Variants in MBD5 observed in about 807,000 individuals in gnomAD.
The protein encoded by MBD5 is methyl-CpG binding domain protein 5, also known as methyl-CpG-binding domain protein 5.
MBD5 carries 13 observed loss-of-function variants against 117.3 expected under a neutral mutation model. The ratio of observed to expected loss-of-function variants is 0.11; its 90% CI spans 0.07 to 0.18. The LOEUF is 0.18. Among genes scored for constraint, MBD5 ranks in the 10% least tolerant of loss-of-function variants. The pLI, the probability that MBD5 is intolerant of heterozygous loss-of-function variation, is 1.00. For missense variants in MBD5, 1,879 were observed against 2,093.8 expected (o/e 0.90, Z 2.00); for synonymous variants, 727 against 766.4 (o/e 0.95, Z 0.85).
intron 1 of MBD5, among the ~76,000 whole-genome samples, chr2:148,131,650 T>C (rs1266951711): frequency 6.6e-6 from 1 of 152,204 alleles, no homozygotes; most frequent in African/African-American, 2.4e-5. Context: ...GCTATGATTA[T>C]GCTACTGTGC....
At chr2:148,075,072 T>A (rs1047380207) in intron 1 of MBD5, among the ~76,000 whole-genome samples, 3 of 151,978 alleles carry the variant, frequency 2.0e-5, no homozygotes, top group Non-Finnish European at 4.4e-5. Flanking sequence ...GTAATAGAGA[T>A]GCAGTAGAAA....
intron 3 of MBD5, among the ~76,000 whole-genome samples, chr2:148,236,627 G>C (rs1442629358): frequency 6.6e-6 from 1 of 152,146 alleles, no homozygotes; most frequent in Non-Finnish European, 1.5e-5. Context: ...AGGCTTTGTT[G>C]TTTCATTTAT....
rs771275834 is a variant in MBD5 at position 148,469,727 on chromosome 2, C to T, written c.1784C>T (p.Ala595Val). ...CAGCTAGCAAATCAAAACAAACTTG[C>T]TGGTAACAACAGTAGCAGCAGTAGC... ...KAQLANQNKL[A>V]GNNSSSSSNS... The change falls in exon 8 of 14, where the codon GCT becomes GTT. Residue 595 changes from alanine (A) to valine (V), a missense_variant. By Grantham distance (64) the Ala-to-Val change is moderately conservative (BLOSUM62 0). Transcript: ENST00000642680. 3.1e-6 allele frequency: 5 copies of T among 1,613,834 alleles called. No individual in the cohort carries two copies. The highest frequency in any genetic ancestry group is 2.2e-5 in the South Asian group (2 of 91,090).
At chr2:148,040,814 T>A (rs1694335087) in intron 1 of MBD5, among the ~76,000 whole-genome samples, 1 of 152,178 alleles carries the variant, frequency 6.6e-6, no homozygotes, top group South Asian at 2.1e-4. Flanking sequence ...ATTAAAATCA[T>A]GTAGGACCAG....
intron 1 of MBD5, among the ~76,000 whole-genome samples, chr2:148,126,513 A>G (rs1203490725): frequency 6.6e-6 from 1 of 152,104 alleles, no homozygotes; most frequent in African/African-American, 2.4e-5. Context: ...ATTACCTTCC[A>G]GCATTTGCTG....
intron 3 of MBD5, among the ~76,000 whole-genome samples, chr2:148,339,993 GTTC>G (rs1702896127): frequency 6.6e-6 from 1 of 151,784 alleles, no homozygotes; most frequent in South Asian, 2.1e-4. Context: ...CTCTGTATCA[GTTC>G]TTCTACTCAC....
chr2:148,145,355 C>T (rs1454797196), intron 1 of MBD5, among the ~76,000 whole-genome samples: 5 of 152,250 alleles, frequency 3.3e-5, no homozygotes, highest in South Asian at 2.1e-4. Context: ...TGGGCTGAGA[C>T]GATGGAGTTT....
chr2:148,289,017 C>T (rs991984646), intron 3 of MBD5, among the ~76,000 whole-genome samples: 3 of 152,200 alleles, frequency 2.0e-5, no homozygotes, highest in African/African-American at 7.2e-5. Context: ...CCCTGAACAA[C>T]TCTTCTGCTG....
At chr2:148,101,682 T>C (rs1391882510) in intron 1 of MBD5, among the ~76,000 whole-genome samples, 2 of 152,192 alleles carry the variant, frequency 1.3e-5, no homozygotes, top group East Asian at 3.8e-4. Context: ...ACAGTGTTTT[T>C]TTAACTTCAT....
chr2:148,207,009 A>G (rs1283749320), intron 2 of MBD5, among the ~76,000 whole-genome samples: 1 of 152,258 alleles, frequency 6.6e-6, no homozygotes, highest in Non-Finnish European at 1.5e-5. Context: ...AAGTGACTTT[A>G]TTTCCAAAGT....
intron 1 of MBD5, among the ~76,000 whole-genome samples, chr2:148,084,124 C>G (rs1040075391): frequency 2.6e-5 from 4 of 152,176 alleles, no homozygotes. Flanking sequence ...CATGGTAGAA[C>G]ACAGATCTGT....
At chr2:148,122,970 A>G (rs1381485805) in intron 1 of MBD5, among the ~76,000 whole-genome samples, 1 of 152,226 alleles carries the variant, frequency 6.6e-6, no homozygotes, top group African/African-American at 2.4e-5. Flanking sequence ...AGCCAAAGGC[A>G]GAGATGACTA....
chr2:148,208,893 T>G (rs987332707), intron 2 of MBD5, among the ~76,000 whole-genome samples: 2 of 152,158 alleles, frequency 1.3e-5, no homozygotes, highest in Admixed American at 6.5e-5. Flanking sequence ...TAAATTATAA[T>G]CAAAGGAATT....
intron 2 of MBD5, among the ~76,000 whole-genome samples, chr2:148,211,466 C>T (rs1006600487): frequency 5.9e-5 from 9 of 152,048 alleles, no homozygotes; most frequent in Non-Finnish European, 1.0e-4. Context: ...TTGAAATTTT[C>T]GATTTTTGTT....
At chr2:148,283,840 T>TC (rs1701306585) in intron 3 of MBD5, among the ~76,000 whole-genome samples, 1 of 152,216 alleles carries the variant, frequency 6.6e-6, no homozygotes, top group Non-Finnish European at 1.5e-5. Flanking sequence ...TCAGCTGCTT[T>TC]ATAACCCCTT....
chr2:148,061,653 C>CTG (rs1170686569), intron 1 of MBD5, among the ~76,000 whole-genome samples: 2 of 151,462 alleles, frequency 1.3e-5, no homozygotes, highest in African/African-American at 4.8e-5. Context: ...TGTGTGTCAT[C>CTG]TGTGTGTGTA....
intron 4 of MBD5, among the ~76,000 whole-genome samples, chr2:148,407,418 A>G (rs1201347690): frequency 6.6e-6 from 1 of 150,930 alleles, no homozygotes; most frequent in Non-Finnish European, 1.5e-5. Context: ...GTATCCTTGA[A>G]GTAGATTGAT....
At chr2:148,339,281 A>G (rs1159293124) in intron 3 of MBD5, among the ~76,000 whole-genome samples, 1 of 151,762 alleles carries the variant, frequency 6.6e-6, no homozygotes, top group Admixed American at 6.6e-5. Context: ...TTTTTTCACA[A>G]AAAGGATATG....
chr2:148,102,349 T>C (rs1696237066), intron 1 of MBD5, among the ~76,000 whole-genome samples: 1 of 152,222 alleles, frequency 6.6e-6, no homozygotes, highest in South Asian at 2.1e-4. Flanking sequence ...GTCCACTGTT[T>C]CTGTCAGGTG....
Sources: allele counts gnomAD v4.1 joint callset (sites outside exome capture counted in the v4.1 genomes callset), GRCh38; gene constraint gnomAD v4.1.1; transcripts MANE v1.5; gene names NCBI Gene and HGNC (gene_info 2026-07-23, HGNC 2026-07-21).